LHFPL4: variants seen among roughly 807,000 people sequenced by gnomAD.
The protein encoded by LHFPL4 is LHFPL tetraspan subfamily member 4, also known as LHFPL tetraspan subfamily member 4 protein.
In LHFPL4, 6 loss-of-function variants were observed where a neutral mutation model predicts 20.0. That is an observed-to-expected ratio of 0.30 (90% confidence interval 0.16 to 0.59). The LOEUF (loss-of-function observed/expected upper bound fraction) is 0.59, where lower values mean the gene tolerates loss of function less well. Among genes scored for constraint, LHFPL4 ranks in the 20% least tolerant of loss-of-function variants. The pLI is 0.88. For missense variants in LHFPL4, 215 were observed against 331.2 expected, an observed-to-expected ratio of 0.65 and a Z score of 2.72; for synonymous variants, 129 against 143.8, an observed-to-expected ratio of 0.90 and a Z score of 0.74.
At chr3:9,510,939 A>AAAATAAATAAAT (rs201323329) in intron 2 of LHFPL4, among the ~76,000 whole-genome samples, 8 of 147,454 alleles carry the variant, frequency 5.4e-5, no homozygotes, top group Admixed American at 1.4e-4. Flanking sequence ...CTCCATCTCA[A>AAAATAAATAAAT]AAATAAATAA....
chr3:9,529,784 C>A (rs1208936975), intron 2 of LHFPL4, among the ~76,000 whole-genome samples: 1 of 151,970 alleles, frequency 6.6e-6, no homozygotes, highest in East Asian at 1.9e-4. Context: ...AGGCGCCTGC[C>A]ACCACACCTG....
chr3:9,535,797 A>G (rs1044209844), intron 2 of LHFPL4, among the ~76,000 whole-genome samples: 7 of 151,262 alleles, frequency 4.6e-5, no homozygotes, highest in African/African-American at 1.7e-4. Flanking sequence ...CTATATTTTT[A>G]TTTTCATTAT....
intron 2 of LHFPL4, among the ~76,000 whole-genome samples, chr3:9,517,585 A>G (rs1244953742): frequency 6.6e-6 from 1 of 150,564 alleles, no homozygotes; most frequent in East Asian, 2.0e-4. Flanking sequence ...GTTCCCAGCT[A>G]CTCAGGGGGC....
In LHFPL4 at chr3:9,502,349, A is replaced by C. The variant is rs1328513493; in HGVS notation, c.644-38T>G. ...GAGAGAGAGAGAAGGAGAGAGAATT[A>C]GAGAAAGTCAGAGGCTGCCTGGGCA... On this transcript the variant is annotated intron_variant, in intron 3 of 3. Coordinates refer to ENST00000287585, the MANE Select transcript of LHFPL4 (RefSeq NM_198560.3). The C allele has an allele frequency of 6.3e-6, 9 of 1,418,956 alleles. No homozygotes were observed. The South Asian group carries it at 1.0e-4, about 17-fold the overall frequency. The allele number at this position is 1,418,956 out of a possible 1,614,324, so 87.9% of individuals were successfully genotyped here.
intron 1 of LHFPL4, among the ~76,000 whole-genome samples, chr3:9,553,167 G>T (rs973660408): frequency 6.6e-6 from 1 of 151,760 alleles, no homozygotes; most frequent in Non-Finnish European, 1.5e-5. Flanking sequence ...GGTATTAAGG[G>T]GTAGAAGGAG....
At position 9,552,782 on chromosome 3, in the gene LHFPL4, G is replaced by T. The variant is rs1444080199; in HGVS notation, c.-103C>A. 4 of 647,218 alleles carry T rather than the reference G, an allele frequency of 6.2e-6. No homozygotes were observed. The highest frequency in any genetic ancestry group is 6.0e-5 in the African/African-American group (3 of 50,324). The allele number at this position is 647,218 out of a possible 1,614,324, so 40.1% of individuals were successfully genotyped here. A position where few individuals can be genotyped will look rare whatever the true frequency, so the allele number is the denominator to read the frequency against. On this transcript the variant is annotated 5_prime_UTR_variant, in exon 2 of 4. Coordinates refer to ENST00000287585, the MANE Select transcript of LHFPL4 (RefSeq NM_198560.3). ...CGGGAGCTGGGGACGCACGCGAGAA[G>T]CGGCCCTGAGTCAAGGAACCCGCGA...
intron 2 of LHFPL4, among the ~76,000 whole-genome samples, chr3:9,542,806 C>CA (rs148495276): frequency 0.3 from 23,589 of 78,144 alleles, 2,739 homozygotes; most frequent in African/African-American, 0.35. Context: ...GGCCCTATCT[C>CA]AAAAAAAAAA....
intron 2 of LHFPL4, among the ~76,000 whole-genome samples, chr3:9,533,403 T>G (rs1187653258): frequency 6.6e-6 from 1 of 152,242 alleles, no homozygotes; most frequent in East Asian, 1.9e-4. Context: ...TGTGGTTACC[T>G]GCAACAACCT....
At chr3:9,526,032 T>A (rs1486415010) in intron 2 of LHFPL4, among the ~76,000 whole-genome samples, 1 of 152,100 alleles carries the variant, frequency 6.6e-6, no homozygotes, top group Non-Finnish European at 1.5e-5. Flanking sequence ...TACAATGAAA[T>A]ATATTGAACC....
At chr3:9,528,346 C>A (rs2046387674) in intron 2 of LHFPL4, among the ~76,000 whole-genome samples, 1 of 152,206 alleles carries the variant, frequency 6.6e-6, no homozygotes, top group African/African-American at 2.4e-5. Flanking sequence ...GGAGTAGATT[C>A]CATCTCAAGA....
At chr3:9,549,303 G>A (rs932249602) in intron 2 of LHFPL4, among the ~76,000 whole-genome samples, 16 of 152,134 alleles carry the variant, frequency 1.1e-4, no homozygotes, top group African/African-American at 3.9e-4. Context: ...GATGGTTATA[G>A]AGCTGGTGAA....
At chr3:9,516,003 T>A (rs1460047184) in intron 2 of LHFPL4, among the ~76,000 whole-genome samples, 1 of 152,144 alleles carries the variant, frequency 6.6e-6, no homozygotes, top group East Asian at 1.9e-4. Context: ...GCGTGAACCA[T>A]GGCACCCGGC....
intron 2 of LHFPL4, among the ~76,000 whole-genome samples, chr3:9,541,572 G>C (rs2046476555): frequency 6.6e-6 from 1 of 152,044 alleles, no homozygotes; most frequent in Non-Finnish European, 1.5e-5. Flanking sequence ...AGGAGTTTGA[G>C]ACCAGCCTGG....
Position 9,536,959 on chromosome 3 carries a change from G to A in LHFPL4, c.406+15315C>T, listed in dbSNP as rs540053655. 3.3e-5 allele frequency among the ~76,000 whole-genome samples: 5 copies of A among 151,550 alleles called. No individual in the cohort carries two copies. The East Asian group carries it at 7.8e-4, about 24-fold the overall frequency. On this transcript the variant is annotated intron_variant, in intron 2 of 3. Coordinates refer to ENST00000287585, the MANE Select transcript of LHFPL4 (RefSeq NM_198560.3). ...AATTCAGCCGGGTGTGGTAGTGCGC[G>A]CCTGCAGTCCCAGCTACTCAGGAGG...
In LHFPL4 at chr3:9,506,337, C is replaced by T; in HGVS notation, c.407-134G>A. 3 of 686,348 alleles carry T rather than the reference C, an allele frequency of 4.4e-6. No individual in the cohort carries two copies. Among genetic ancestry groups the T allele is most frequent in the Non-Finnish European group, 7.8e-6 (3 of 386,932 alleles). 42.5% of individuals were successfully genotyped at this position (686,348 alleles called of 1,614,324 possible). On this transcript the variant is annotated intron_variant, in intron 2 of 3. Coordinates refer to ENST00000287585, the MANE Select transcript of LHFPL4 (RefSeq NM_198560.3). The surrounding 1 kb of genome is among the most constrained non-coding windows in gnomAD (Gnocchi z 4.5). Reference sequence around the variant, plus strand: ...CCAACCACGTGCTTGTTACCCACTTCCACAGAGGGAGAAAGAGAGGGCAGG... The same window carrying T: ...CCAACCACGTGCTTGTTACCCACTTTCACAGAGGGAGAAAGAGAGGGCAGG...
In LHFPL4 at chr3:9,498,908, C is replaced by T. The variant is rs1255282040; in HGVS notation, c.*3303G>A. 1 of 152,614 alleles carries T rather than the reference C, an allele frequency of 6.6e-6. No homozygotes were observed. The highest frequency in any genetic ancestry group is 2.4e-5 in the African/African-American group (1 of 41,428). The allele number at this position is 152,614 out of a possible 1,614,324, so 9.5% of individuals were successfully genotyped here. A position where few individuals can be genotyped will look rare whatever the true frequency, so the allele number is the denominator to read the frequency against. On this transcript the variant is annotated 3_prime_UTR_variant, in exon 4 of 4. Coordinates refer to ENST00000287585, the MANE Select transcript of LHFPL4 (RefSeq NM_198560.3). ...AAAGTTTTCCTTCATGGGTACCGGT[C>T]CCCAAAGACGAAAGTTTTCATAGCC...
At chr3:9,518,696 A>T (rs1156985788) in intron 2 of LHFPL4, among the ~76,000 whole-genome samples, 2 of 151,878 alleles carry the variant, frequency 1.3e-5, no homozygotes, top group Non-Finnish European at 2.9e-5. Context: ...AGAGTTGTTT[A>T]AAAAAGCATT....
At chr3:9,508,943 G>T (rs1404178710) in intron 2 of LHFPL4, among the ~76,000 whole-genome samples, 1 of 152,178 alleles carries the variant, frequency 6.6e-6, no homozygotes. Flanking sequence ...CCGTCCCTTT[G>T]CCACCTCTCT....
At chr3:9,528,692 T>C (rs1174245046) in intron 2 of LHFPL4, among the ~76,000 whole-genome samples, 2 of 152,310 alleles carry the variant, frequency 1.3e-5, no homozygotes, top group East Asian at 1.9e-4. Context: ...CTCAGCTCAC[T>C]GCAACCTCTG....
Sources: allele counts gnomAD v4.1 joint callset (sites outside exome capture counted in the v4.1 genomes callset), GRCh38; gene constraint gnomAD v4.1.1; non-coding constraint Gnocchi (gnomAD v3.1); transcripts MANE v1.5; gene names NCBI Gene and HGNC (gene_info 2026-07-23, HGNC 2026-07-21).